WWTR1: variants seen among roughly 807,000 people sequenced by gnomAD.
The protein encoded by WWTR1 is WW domain containing transcription regulator 1.
WWTR1 carries 13 observed loss-of-function variants against 40.1 expected under a neutral mutation model. The ratio of observed to expected loss-of-function variants is 0.32; its 90% CI spans 0.21 to 0.52. WWTR1 has a LOEUF of 0.52. Ranked by LOEUF, WWTR1 falls within the 20% of genes least tolerant of loss-of-function variation. The pLI is 0.97. For missense variants in WWTR1, 436 were observed against 523.1 expected (o/e 0.83, Z 1.63); for synonymous variants, 230 against 210.1 (o/e 1.09, Z -0.82).
intron 2 of WWTR1, among the ~76,000 whole-genome samples, chr3:149,639,835 A>T (rs1259049677): frequency 6.6e-6 from 1 of 151,896 alleles, no homozygotes; most frequent in Non-Finnish European, 1.5e-5. Flanking sequence ...CTACTAAAAA[A>T]TACAAAAAAA....
At chr3:149,660,863 A>G (rs1370158175), upstream of WWTR1, among the ~76,000 whole-genome samples, 11 of 152,208 alleles carry the variant, frequency 7.2e-5, no homozygotes, top group Non-Finnish European at 1.3e-4. Context: ...TAGCATTCCT[A>G]AGTCACAGTT....
intron 5 of WWTR1, among the ~76,000 whole-genome samples, chr3:149,714,075 G>C (rs1046937285): frequency 1.3e-5 from 2 of 152,246 alleles, no homozygotes. Context: ...GCTGGCAGAA[G>C]AGCAGTGCGG....
At chr3:149,670,701 T>A (rs1576634397) in intron 1 of WWTR1, 2 of 151,636 alleles carry the variant, frequency 1.3e-5, no homozygotes, top group African/African-American at 4.9e-5. Context: ...TGAAGTGACT[T>A]GTCCAGGGCC....
chr3:149,557,454 C>T (rs1038726706), intron 3 of WWTR1, among the ~76,000 whole-genome samples: 2 of 152,106 alleles, frequency 1.3e-5, no homozygotes, highest in East Asian at 3.9e-4. Context: ...GGAGAACTCC[C>T]TCTTACATCT....
chr3:149,568,013 C>G (rs536359742), intron 3 of WWTR1, among the ~76,000 whole-genome samples: 3 of 152,088 alleles, frequency 2.0e-5, no homozygotes, highest in African/African-American at 7.2e-5. Flanking sequence ...TTTTTTCCCT[C>G]TTTTGTTTCC....
At chr3:149,664,723 G>A (rs1183282928) in intron 2 of WWTR1, among the ~76,000 whole-genome samples, 1 of 151,990 alleles carries the variant, frequency 6.6e-6, no homozygotes, top group Non-Finnish European at 1.5e-5. Flanking sequence ...CGAGTAGCTG[G>A]GATTACAGGC....
intron 4 of WWTR1, among the ~76,000 whole-genome samples, chr3:149,717,727 T>C (rs889140019): frequency 6.6e-6 from 1 of 152,290 alleles, no homozygotes; most frequent in South Asian, 2.1e-4. Flanking sequence ...TGATTAGGTG[T>C]AGGGTGGGTA....
chr3:149,646,528 T>C (rs1188929138), intron 2 of WWTR1, among the ~76,000 whole-genome samples: 2 of 152,260 alleles, frequency 1.3e-5, no homozygotes, highest in Non-Finnish European at 2.9e-5. Flanking sequence ...CATCAGTCCA[T>C]GGACCATACT....
At chr3:149,649,194 G>T (rs1223769257) in intron 2 of WWTR1, 1 of 152,158 alleles carries the variant, frequency 6.6e-6, no homozygotes, top group African/African-American at 2.4e-5. Flanking sequence ...GTTTCTCCAT[G>T]TTGGTCAGGC....
chr3:149,619,759 T>G (rs772820201), intron 2 of WWTR1, among the ~76,000 whole-genome samples: 1 of 152,220 alleles, frequency 6.6e-6, no homozygotes, highest in Non-Finnish European at 1.5e-5. Flanking sequence ...TTGAACTGAC[T>G]GCCAAGGGAC....
chr3:149,680,348 A>G (rs1714415103), intron 1 of WWTR1, among the ~76,000 whole-genome samples: 1 of 152,206 alleles, frequency 6.6e-6, no homozygotes, highest in South Asian at 2.1e-4. Flanking sequence ...GTTCAAGACC[A>G]GCCTGGCCAA....
At chr3:149,652,191 T>C (rs973736190) in intron 2 of WWTR1, among the ~76,000 whole-genome samples, 17 of 151,730 alleles carry the variant, frequency 1.1e-4, no homozygotes, top group African/African-American at 4.1e-4. Flanking sequence ...ATGGTCAACT[T>C]TGGGGCAAAG....
intron 3 of WWTR1, among the ~76,000 whole-genome samples, chr3:149,561,897 A>T (rs538746696): frequency 6.6e-6 from 1 of 152,346 alleles, no homozygotes; most frequent in South Asian, 2.1e-4. Flanking sequence ...CATGGTGGGA[A>T]GGAGACCTAA....
At chr3:149,629,793 CATGAAAGTGTATAACAATATGAAA>C (rs1367315956) in intron 2 of WWTR1, among the ~76,000 whole-genome samples, 2 of 152,090 alleles carry the variant, frequency 1.3e-5, no homozygotes, top group African/African-American at 4.8e-5. Context: ...AGTATCTGAT[CATGAAAGTGTATAACAATATGAAA>C]ACCATATATG....
chr3:149,527,030 G>T (rs1349257737), intron 5 of WWTR1, among the ~76,000 whole-genome samples: 1 of 152,122 alleles, frequency 6.6e-6, no homozygotes, highest in African/African-American at 2.4e-5. Flanking sequence ...AGCTTCCCCA[G>T]TGATAACATC....
intron 2 of WWTR1, among the ~76,000 whole-genome samples, chr3:149,601,709 TA>T (rs1446686760): frequency 3.4e-5 from 2 of 59,690 alleles, no homozygotes; most frequent in African/African-American, 6.4e-5. Flanking sequence ...TGAAAAAAAT[TA>T]TTTTTTTTTT....
At chr3:149,596,755 A>C (rs1242867353) in intron 2 of WWTR1, among the ~76,000 whole-genome samples, 1 of 152,206 alleles carries the variant, frequency 6.6e-6, no homozygotes, top group Non-Finnish European at 1.5e-5. Flanking sequence ...TAGCTGTGTG[A>C]CTTTGGATAA....
In WWTR1 at chr3:149,582,775, T is replaced by C. The variant is rs768263509; in HGVS notation, c.432-9775A>G. On this transcript the variant is annotated intron_variant, in intron 2 of 6. Transcript: ENST00000360632. Reference sequence around the variant, plus strand: ...ATAAATAAAAGATGTATAAATCACCTTAAGTTTATTGTGTTGGAACTCCAC... The same window carrying C: ...ATAAATAAAAGATGTATAAATCACCCTAAGTTTATTGTGTTGGAACTCCAC... Among the ~76,000 whole-genome samples the C allele has an allele frequency of 2.0e-4, 30 of 152,218 alleles. 1 individual carries two copies. Among genetic ancestry groups the C allele is most frequent in the Middle Eastern group, 6.8e-3 (2 of 294 alleles).
At chr3:149,706,730 A>G (rs543343198), upstream of WWTR1, among the ~76,000 whole-genome samples, 23 of 152,326 alleles carry the variant, frequency 1.5e-4, no homozygotes, top group South Asian at 4.1e-3. Context: ...TCTTAATATT[A>G]TTATAAAGTA....
Sources: gnomAD v4.1 joint callset for allele counts (sites outside exome capture counted in the v4.1 genomes callset) on GRCh38, gnomAD v4.1.1 for gene constraint, MANE v1.5 for transcripts, NCBI Gene and HGNC (gene_info 2026-07-23, HGNC 2026-07-21) for gene names.